Variants in PLAAT5 observed in about 807,000 individuals in gnomAD.
PLAAT5 encodes phospholipase A and acyltransferase 5.
In PLAAT5, 27 loss-of-function variants were observed where a neutral mutation model predicts 27.8. The ratio of observed to expected loss-of-function variants is 0.97; its 90% CI spans 0.72 to 1.34. PLAAT5 has a LOEUF of 1.34. Ranked by LOEUF, PLAAT5 falls within the 40% of genes most tolerant of loss-of-function variation. PLAAT5 has a pLI of 0.00. For missense variants in PLAAT5, 368 were observed against 343.8 expected, an observed-to-expected ratio of 1.07 and a Z score of -0.56; for synonymous variants, 125 against 136.1, an observed-to-expected ratio of 0.92 and a Z score of 0.57.
chr11:63,490,483 G>T, intron 1 of PLAAT5, 150 bp from the exon 2 acceptor site: 1 of 1,267,284 alleles, frequency 7.9e-7, no homozygotes, highest in Non-Finnish European at 1.1e-6. Flanking sequence ...TGAATGGAGA[G>T]GGTTGTGGAA....
intron 3 of PLAAT5, among the ~76,000 whole-genome samples, chr11:63,482,607 A>G (rs1238386472): frequency 6.6e-6 from 1 of 152,238 alleles, no homozygotes; most frequent in Non-Finnish European, 1.5e-5. Flanking sequence ...AAGAAATGAT[A>G]AAAGGAGTTC....
At chr11:63,490,196 C>G in intron 2 of PLAAT5, 47 bp downstream of exon 2, 1 of 1,612,958 alleles carries the variant, frequency 6.2e-7, no homozygotes, top group Non-Finnish European at 8.5e-7. Flanking sequence ...GTCAATTCTC[C>G]AAAAGATTTC....
Position 63,490,890 on chromosome 11 carries a change from A to T in PLAAT5, c.145T>A (p.Ser49Thr). 4 of 1,602,834 alleles carry T rather than the reference A, an allele frequency of 2.5e-6. No homozygotes were observed. Among genetic ancestry groups the T allele is most frequent in the Non-Finnish European group, 3.4e-6 (4 of 1,175,186 alleles). Reference protein sequence around the residue: ...PALRRSAVPHSEESVGFAALV... With the variant: ...PALRRSAVPHTEESVGFAALV... ...CAGCCGCATTCTTGGGGCTGACCTG[A>T]GTGGGGCACAGCTGAACGTCTGAGC... The change falls in exon 1 of 6, where the codon TCA becomes ACA. Residue 49 changes from serine to threonine, a missense_variant. Ser to Thr is a moderately conservative substitution (Grantham distance 58, BLOSUM62 1). Coordinates refer to ENST00000540857, the MANE Select transcript of PLAAT5 (RefSeq NM_001146729.2).
intron 3 of PLAAT5, among the ~76,000 whole-genome samples, chr11:63,468,957 T>C (rs1565208654): frequency 6.6e-6 from 1 of 152,060 alleles, no homozygotes; most frequent in Non-Finnish European, 1.5e-5. Context: ...CTCCTGCCCC[T>C]GCTGGCACCC....
Position 63,488,866 on chromosome 11 carries a change from C to G in PLAAT5, c.345+5G>C. On this transcript the variant is annotated splice_donor_5th_base_variant and intron_variant, in intron 3 of 5. Transcript: ENST00000540857. ...AGTCACTTTGAGAATTCTTGTTACA[C>G]CTACCTCAGCTGCTTGCTTTATTAA... 1 of 1,595,784 alleles carries G rather than the reference C, an allele frequency of 6.3e-7. No individual in the cohort carries two copies.
chr11:63,487,700 G>T (rs371326080), intron 3 of PLAAT5, among the ~76,000 whole-genome samples: 15 of 152,290 alleles, frequency 9.8e-5, no homozygotes, highest in African/African-American at 3.1e-4. Context: ...TGTTCAAGCA[G>T]ATTTGTGATA....
chr11:63,468,238 T>C, intron 4 of PLAAT5, 119 bp downstream of exon 4: 1 of 768,818 alleles, frequency 1.3e-6, no homozygotes, highest in South Asian at 1.7e-5. Context: ...GGTCCAGTCA[T>C]GCTTCAAGGG....
intron 3 of PLAAT5, among the ~76,000 whole-genome samples, chr11:63,483,775 C>T (rs1176675139): frequency 1.8e-4 from 5 of 27,750 alleles, no homozygotes; most frequent in African/African-American, 9.5e-4. Context: ...GAAATTGAAG[C>T]AAAAAAAAAA....
At chr11:63,487,027 C>T (rs1044962752) in intron 3 of PLAAT5, among the ~76,000 whole-genome samples, 15 of 152,126 alleles carry the variant, frequency 9.9e-5, no homozygotes, top group African/African-American at 3.4e-4. Flanking sequence ...GAGTGACATC[C>T]GTGTTGTTGC....
Position 63,490,331 on chromosome 11 carries a change from C to A in PLAAT5, c.151G>T (p.Glu51Ter), listed in dbSNP as rs1175735973. The change falls in exon 2 of 6, where the codon GAA becomes TAA. Residue 51 changes from glutamate to a stop codon, truncating the protein, a stop_gained and splice_region_variant. Transcript: ENST00000540857. LOFTEE classifies it high-confidence loss of function. Reference sequence around the variant, plus strand: ...ACCAACGCTGCGAATCCCACGGATTCTTCTAATTCAAGGGGGGAAATGCTA... The same window carrying A: ...ACCAACGCTGCGAATCCCACGGATTATTCTAATTCAAGGGGGGAAATGCTA... ...LRRSAVPHSE[E>*]SVGFAALVQL... The A allele has an allele frequency of 1.2e-6, 2 of 1,614,168 alleles. No homozygotes were observed. Among genetic ancestry groups the A allele is most frequent in the Non-Finnish European group, 1.7e-6 (2 of 1,180,012 alleles).
At position 63,469,408 on chromosome 11, in the gene PLAAT5, C is replaced by T. The variant is rs80273220; in HGVS notation, c.346-943G>A. Reference sequence around the variant, plus strand: ...CTGTCTCTAAGCCAGACCTGATCAACTACCTGGAGCAAAGAAAAGAGCCCT... The same window carrying T: ...CTGTCTCTAAGCCAGACCTGATCAATTACCTGGAGCAAAGAAAAGAGCCCT... On this transcript the variant is annotated intron_variant, in intron 3 of 5. Transcript: ENST00000540857. The T allele has an allele frequency of 3.5e-3, 867 of 251,010 alleles. 11 individuals are homozygous for T. Among genetic ancestry groups the T allele is most frequent in the African/African-American group, 0.017 (756 of 43,674 alleles). 15.5% of individuals were successfully genotyped at this position (251,010 alleles called of 1,614,324 possible).
intron 5 of PLAAT5, among the ~76,000 whole-genome samples, chr11:63,464,969 T>C (rs575226883): frequency 8.1e-4 from 123 of 152,122 alleles, no homozygotes; most frequent in Admixed American, 1.4e-3. Context: ...AGTGGCCTGA[T>C]CAATTGTATG....
chr11:63,462,597 T>C lies in PLAAT5; in HGVS notation c.*906A>G, dbSNP rs1480382064. On this transcript the variant is annotated 3_prime_UTR_variant, in exon 6 of 6. Coordinates refer to ENST00000540857, the MANE Select transcript of PLAAT5 (RefSeq NM_001146729.2). Reference sequence around the variant, plus strand: ...ACATTCTTCATATTTTCTAGGTATCTCTGGAGGCATAAGAGAACACTTTTC... The same window carrying C: ...ACATTCTTCATATTTTCTAGGTATCCCTGGAGGCATAAGAGAACACTTTTC... 1 of 152,194 alleles carries C rather than the reference T, an allele frequency of 6.6e-6. No individual in the cohort carries two copies. Among genetic ancestry groups the C allele is most frequent in the Non-Finnish European group, 1.5e-5 (1 of 68,036 alleles). 9.4% of individuals were successfully genotyped at this position (152,194 alleles called of 1,614,324 possible).
chr11:63,489,137 A>G (rs2016505022), intron 2 of PLAAT5, among the ~76,000 whole-genome samples, 161 bp from the exon 3 acceptor site: 1 of 152,156 alleles, frequency 6.6e-6, no homozygotes, highest in Admixed American at 6.5e-5. Context: ...CTTTCATACA[A>G]AAGAATTGCT....
intron 4 of PLAAT5, among the ~76,000 whole-genome samples, chr11:63,467,480 C>T (rs573980299): frequency 6.6e-6 from 1 of 152,142 alleles, no homozygotes; most frequent in African/African-American, 2.4e-5. Flanking sequence ...GAGACTGGGC[C>T]AGAGGAAGAG....
intron 3 of PLAAT5, chr11:63,470,151 AG>A (rs2015984215): frequency 6.4e-6 from 1 of 155,286 alleles, no homozygotes; most frequent in Non-Finnish European, 1.5e-5. Context: ...TCAACATCAG[AG>A]AAGTCATACT....
intron 5 of PLAAT5, among the ~76,000 whole-genome samples, chr11:63,464,877 G>A (rs1243991983): frequency 6.6e-6 from 1 of 152,186 alleles, no homozygotes; most frequent in Non-Finnish European, 1.5e-5. Context: ...GAGTGAGGCA[G>A]GTGGGTGACA....
intron 2 of PLAAT5, 84 bp from the exon 3 acceptor site, chr11:63,489,060 T>C (rs2016503006): frequency 2.0e-6 from 2 of 988,124 alleles, no homozygotes; most frequent in Non-Finnish European, 3.1e-6. Flanking sequence ...TTGTGATTTT[T>C]AAGATGGCTT....
At chr11:63,479,919 G>A (rs1484509083) in intron 3 of PLAAT5, among the ~76,000 whole-genome samples, 1 of 152,212 alleles carries the variant, frequency 6.6e-6, no homozygotes, top group Non-Finnish European at 1.5e-5. Context: ...ACTCCAGAGG[G>A]AAAGCCACTT....
Sources: gnomAD v4.1 joint callset for allele counts (sites outside exome capture counted in the v4.1 genomes callset) on GRCh38, gnomAD v4.1.1 for gene constraint, MANE v1.5 for transcripts, NCBI Gene and HGNC (gene_info 2026-07-23, HGNC 2026-07-21) for gene names.